Variants in ACTR3C observed in about 807,000 individuals in gnomAD.
ACTR3C encodes the protein actin related protein 3C.
Under a neutral mutation model 26.3 loss-of-function variants are expected in ACTR3C, and 18 were observed. The ratio of observed to expected loss-of-function variants is 0.68; its 90% CI spans 0.47 to 1.01. The LOEUF is 1.01. ACTR3C is among the 50% of genes least tolerant of loss of function. The pLI is 0.00. For missense variants in ACTR3C, 184 were observed against 250.7 expected (o/e 0.73, Z 1.80); for synonymous variants, 55 against 94.5 (o/e 0.58, Z 2.42).
chr7:150,115,836 T>C, the ACTR3C span, among the ~76,000 whole-genome samples: 1 of 152,112 alleles, frequency 6.6e-6, no homozygotes. Flanking sequence ...GAAGGACCAT[T>C]CTAGCTTGGG....
chr7:150,168,013 A>G, the ACTR3C span, among the ~76,000 whole-genome samples: 3 of 150,914 alleles, frequency 2.0e-5, 1 homozygote, highest in African/African-American at 7.5e-5. Flanking sequence ...AGAAATTTCT[A>G]CTACATTCCA....
At chr7:149,887,835 G>A in the ACTR3C span, among the ~76,000 whole-genome samples, 1 of 152,176 alleles carries the variant, frequency 6.6e-6, no homozygotes, top group Non-Finnish European at 1.5e-5. Context: ...TGCTATTCTT[G>A]TGATAGTGAA....
At chr7:150,255,190 G>C (rs945380835) in intron 6 of ACTR3C, among the ~76,000 whole-genome samples, 2 of 151,540 alleles carry the variant, frequency 1.3e-5, no homozygotes, top group Non-Finnish European at 2.9e-5. Flanking sequence ...TCCTTGCTGG[G>C]GCGAAGATGC....
the ACTR3C span, among the ~76,000 whole-genome samples, chr7:150,116,240 G>C: frequency 6.6e-6 from 1 of 152,160 alleles, no homozygotes; most frequent in South Asian, 2.1e-4. Context: ...TATTTGCATA[G>C]GATTCATTTT....
At chr7:149,967,442 G>A in the ACTR3C span, among the ~76,000 whole-genome samples, 1 of 152,112 alleles carries the variant, frequency 6.6e-6, no homozygotes, top group Admixed American at 6.5e-5. Context: ...AAAGTGCTGG[G>A]ATTACAGGTG....
the ACTR3C span, among the ~76,000 whole-genome samples, chr7:150,212,146 A>C: frequency 2.4e-4 from 35 of 146,986 alleles, 4 homozygotes; most frequent in Admixed American, 2.3e-3. Flanking sequence ...CTTTTGACTA[A>C]ATCCATATTG....
the ACTR3C span, among the ~76,000 whole-genome samples, chr7:150,035,280 C>A: frequency 1.7e-5 from 1 of 59,696 alleles, no homozygotes; most frequent in Non-Finnish European, 4.2e-5. Context: ...GTCCCTGCCT[C>A]GTGGAGAGTG....
chr7:149,882,669 A>G, the ACTR3C span, among the ~76,000 whole-genome samples: 3 of 152,208 alleles, frequency 2.0e-5, no homozygotes, highest in Non-Finnish European at 2.9e-5. Flanking sequence ...AGGTCTGTCA[A>G]AGATAAACTA....
chr7:150,136,915 G>A, the ACTR3C span, among the ~76,000 whole-genome samples: 2 of 152,164 alleles, frequency 1.3e-5, no homozygotes, highest in African/African-American at 2.4e-5. Context: ...GATGGGACAC[G>A]GAGTGGGGAT....
the ACTR3C span, among the ~76,000 whole-genome samples, chr7:150,115,146 G>A: frequency 6.6e-6 from 1 of 152,160 alleles, no homozygotes; most frequent in Non-Finnish European, 1.5e-5. Context: ...GTCTACTAGA[G>A]TATGGAGAGT....
the ACTR3C span, among the ~76,000 whole-genome samples, chr7:150,037,915 G>A: frequency 0.012 from 1,584 of 127,300 alleles, 178 homozygotes; most frequent in African/African-American, 0.041. Flanking sequence ...CAGTCCCCGC[G>A]TCGCGAGGGG....
chr7:150,027,705 TTG>T, the ACTR3C span, among the ~76,000 whole-genome samples: 1 of 151,754 alleles, frequency 6.6e-6, no homozygotes, highest in African/African-American at 2.4e-5. Context: ...GAACACTGAT[TTG>T]TTATTAAATG....
chr7:150,101,067 A>G, the ACTR3C span, among the ~76,000 whole-genome samples: 2 of 151,588 alleles, frequency 1.3e-5, no homozygotes, highest in Non-Finnish European at 2.9e-5. Flanking sequence ...ATACTAAACT[A>G]TAAAAATAGC....
the ACTR3C span, among the ~76,000 whole-genome samples, chr7:149,981,721 C>T: frequency 3.3e-5 from 5 of 151,872 alleles, no homozygotes; most frequent in African/African-American, 1.2e-4. Flanking sequence ...CAAGGGCAGC[C>T]AGGAACCTGC....
At chr7:150,157,514 C>T in the ACTR3C span, among the ~76,000 whole-genome samples, 1 of 151,790 alleles carries the variant, frequency 6.6e-6, no homozygotes, top group Non-Finnish European at 1.5e-5. Context: ...TACATACCCT[C>T]AGCAGGAAAC....
intron 6 of ACTR3C, among the ~76,000 whole-genome samples, chr7:150,280,829 T>TATAC (rs560781725): frequency 0.09 from 13,539 of 150,368 alleles, 982 homozygotes; most frequent in African/African-American, 0.19. Context: ...TATATATATA[T>TATAC]ACACACACAC....
At chr7:150,127,245 C>T in the ACTR3C span, among the ~76,000 whole-genome samples, 1 of 151,746 alleles carries the variant, frequency 6.6e-6, no homozygotes, top group African/African-American at 2.4e-5. Flanking sequence ...ACTCCCACCC[C>T]TATTGCCTGA....
At chr7:150,107,795 T>C in the ACTR3C span, among the ~76,000 whole-genome samples, 4 of 151,646 alleles carry the variant, frequency 2.6e-5, no homozygotes, top group African/African-American at 9.7e-5. Context: ...TAATGGACAG[T>C]ATTTCAAGAG....
the ACTR3C span, among the ~76,000 whole-genome samples, chr7:150,079,329 C>T: frequency 6.6e-6 from 1 of 152,096 alleles, no homozygotes; most frequent in Non-Finnish European, 1.5e-5. Context: ...AGATCTTAGG[C>T]CCATTTTATG....
Sources: allele counts gnomAD v4.1 joint callset (sites outside exome capture counted in the v4.1 genomes callset), GRCh38; gene constraint gnomAD v4.1.1; transcripts MANE v1.5; gene names NCBI Gene and HGNC (gene_info 2026-07-23, HGNC 2026-07-21).